SLC35F1: variants seen among roughly 807,000 people sequenced by gnomAD.
The protein encoded by SLC35F1 is chromosome 6 open reading frame 169.
SLC35F1 carries 14 observed loss-of-function variants against 48.7 expected under a neutral mutation model. The observed-to-expected ratio is 0.29, with a 90% CI of 0.19 to 0.45. SLC35F1 has a LOEUF of 0.45. Ranked by LOEUF, SLC35F1 falls within the 20% of genes least tolerant of loss-of-function variation. The probability of loss-of-function intolerance (pLI) is 1.00; values close to 1 mark genes in which losing one functional copy is unlikely to be tolerated. For missense variants in SLC35F1, 404 were observed against 500.0 expected (o/e 0.81, Z 1.83); for synonymous variants, 190 against 202.2 (o/e 0.94, Z 0.51).
intron 6 of SLC35F1, among the ~76,000 whole-genome samples, chr6:118,284,581 G>C (rs185748761): frequency 6.6e-6 from 1 of 152,264 alleles, no homozygotes; most frequent in East Asian, 1.9e-4. Flanking sequence ...GATTCTGTGT[G>C]TTTTGGGTAG....
intron 1 of SLC35F1, among the ~76,000 whole-genome samples, chr6:118,021,351 T>C (rs1397367879): frequency 6.6e-6 from 1 of 152,196 alleles, no homozygotes; most frequent in African/African-American, 2.4e-5. Context: ...GCCTTTCATC[T>C]AGTGCTTTGG....
chr6:118,309,169 ATGTG>A (rs57832608), intron 7 of SLC35F1, among the ~76,000 whole-genome samples: 3,331 of 148,168 alleles, frequency 0.022, 110 homozygotes, highest in African/African-American at 0.072. Context: ...GGGCCTGTAG[ATGTG>A]TGTGTGTGTG....
intron 1 of SLC35F1, among the ~76,000 whole-genome samples, chr6:118,096,933 G>A (rs530228540): frequency 1.3e-5 from 2 of 152,204 alleles, no homozygotes; most frequent in East Asian, 3.9e-4. Context: ...AATCCTATCA[G>A]TTCCATCTCT....
intron 1 of SLC35F1, among the ~76,000 whole-genome samples, chr6:118,057,904 G>T (rs1772485586): frequency 6.6e-6 from 1 of 152,142 alleles, no homozygotes; most frequent in Non-Finnish European, 1.5e-5. Context: ...TAAATGTGTG[G>T]AAGCTTTCAG....
chr6:118,076,646 C>T (rs1421345582), intron 1 of SLC35F1, among the ~76,000 whole-genome samples: 1 of 152,168 alleles, frequency 6.6e-6, no homozygotes, highest in East Asian at 1.9e-4. Context: ...TCCCACCAGG[C>T]GTCTCTTTGA....
At chr6:118,273,194 A>G (rs966827665) in intron 4 of SLC35F1, among the ~76,000 whole-genome samples, 5 of 152,174 alleles carry the variant, frequency 3.3e-5, no homozygotes, top group Non-Finnish European at 7.4e-5. Flanking sequence ...TGATGAGTAT[A>G]TTTCCTACAG....
chr6:117,959,278 A>T (rs1776465180), intron 1 of SLC35F1, among the ~76,000 whole-genome samples: 1 of 152,148 alleles, frequency 6.6e-6, no homozygotes, highest in Non-Finnish European at 1.5e-5. Flanking sequence ...TCTGAGCAGG[A>T]TGGGGAACTG....
chr6:117,921,053 GACACACACACACAC>G (rs60793418), intron 1 of SLC35F1, among the ~76,000 whole-genome samples: 32,427 of 149,430 alleles, frequency 0.22, 3,851 homozygotes, highest in African/African-American at 0.32. Context: ...ATTTCTCTTT[GACACACACACACAC>G]ACACACACAC....
At chr6:118,228,309 A>AAGTTCATAT (rs755680110) in intron 2 of SLC35F1, among the ~76,000 whole-genome samples, 1 of 152,106 alleles carries the variant, frequency 6.6e-6, no homozygotes, top group Non-Finnish European at 1.5e-5. Context: ...TTCATACTAA[A>AAGTTCATAT]TGGAATAGTT....
intron 1 of SLC35F1, among the ~76,000 whole-genome samples, chr6:118,115,283 A>G (rs907002374): frequency 6.6e-6 from 1 of 152,160 alleles, no homozygotes; most frequent in Non-Finnish European, 1.5e-5. Context: ...TACTGCTGCT[A>G]GAAACAAGGT....
At chr6:118,025,679 T>G (rs1409606767) in intron 1 of SLC35F1, among the ~76,000 whole-genome samples, 1 of 152,214 alleles carries the variant, frequency 6.6e-6, no homozygotes, top group Non-Finnish European at 1.5e-5. Context: ...CATGGTTATA[T>G]ACATATATTT....
chr6:118,312,258 T>A (rs982462713), intron 7 of SLC35F1, among the ~76,000 whole-genome samples: 1 of 152,194 alleles, frequency 6.6e-6, no homozygotes, highest in African/African-American at 2.4e-5. Context: ...ATAAAATATT[T>A]GAAATGATGG....
At chr6:118,014,195 C>T (rs765446798) in intron 1 of SLC35F1, among the ~76,000 whole-genome samples, 5 of 151,862 alleles carry the variant, frequency 3.3e-5, no homozygotes, top group Non-Finnish European at 5.9e-5. Context: ...AATAAGACAT[C>T]GTATATAAAA....
At chr6:118,285,903 A>G (rs1480922617) in intron 7 of SLC35F1, among the ~76,000 whole-genome samples, 2 of 152,186 alleles carry the variant, frequency 1.3e-5, no homozygotes, top group Non-Finnish European at 2.9e-5. Flanking sequence ...GCCCTGAAGA[A>G]AAGAAGAAAC....
At chr6:118,110,579 A>C (rs1773384672) in intron 1 of SLC35F1, among the ~76,000 whole-genome samples, 2 of 152,072 alleles carry the variant, frequency 1.3e-5, no homozygotes. Flanking sequence ...CCTTTAAAGG[A>C]GGTCTTATAC....
chr6:118,188,333 C>G (rs1354229313), intron 2 of SLC35F1, among the ~76,000 whole-genome samples: 1 of 152,044 alleles, frequency 6.6e-6, no homozygotes, highest in Non-Finnish European at 1.5e-5. Flanking sequence ...GTGGATCACC[C>G]GAAGACAGGC....
chr6:118,037,478 T>C (rs1772151020), intron 1 of SLC35F1, among the ~76,000 whole-genome samples: 1 of 152,202 alleles, frequency 6.6e-6, no homozygotes, highest in African/African-American at 2.4e-5. Context: ...GATTTTAAAT[T>C]ATTTATTGGC....
At chr6:118,058,684 T>C (rs1210340863) in intron 1 of SLC35F1, among the ~76,000 whole-genome samples, 1 of 152,206 alleles carries the variant, frequency 6.6e-6, no homozygotes, top group Non-Finnish European at 1.5e-5. Flanking sequence ...AATAAATCTT[T>C]GCTTTGCTGT....
At chr6:117,993,846 G>T (rs1478093277) in intron 1 of SLC35F1, among the ~76,000 whole-genome samples, 1 of 152,178 alleles carries the variant, frequency 6.6e-6, no homozygotes, top group African/African-American at 2.4e-5. Flanking sequence ...TCCAGCTCTG[G>T]GGCAAGTCCA....
Sources: allele counts gnomAD v4.1 joint callset (sites outside exome capture counted in the v4.1 genomes callset), GRCh38; gene constraint gnomAD v4.1.1; transcripts MANE v1.5; gene names NCBI Gene and HGNC (gene_info 2026-07-23, HGNC 2026-07-21).